Variants in IGFBPL1 observed in about 807,000 individuals in gnomAD.
The protein encoded by IGFBPL1 is insulin-like growth factor-binding protein-like 1.
In IGFBPL1, 20 loss-of-function variants were observed where a neutral mutation model predicts 23.9. The observed-to-expected ratio is 0.84, with a 90% confidence interval of 0.59 to 1.22. IGFBPL1 has a LOEUF of 1.22. Ranked by LOEUF, IGFBPL1 falls within the 50% of genes most tolerant of loss-of-function variation. The pLI is 0.00. For synonymous variants in IGFBPL1, 184 were observed against 171.8 expected, an observed-to-expected ratio of 1.07 and a Z score of -0.56; for missense variants, 436 against 379.3, an observed-to-expected ratio of 1.15 and a Z score of -1.24.
At chr9:38,414,059 A>ACACC (rs1433264425) in intron 2 of IGFBPL1, 35 bp downstream of exon 2, 4 of 1,228,592 alleles carry the variant, frequency 3.3e-6, no homozygotes, top group African/African-American at 1.5e-5. Context: ...ACACACACAC[A>ACACC]CACACGAGAT....
chr9:38,418,318 T>G (rs1451941453), intron 1 of IGFBPL1, among the ~76,000 whole-genome samples: 1 of 150,324 alleles, frequency 6.7e-6, no homozygotes, highest in Non-Finnish European at 1.5e-5. Context: ...CCTCAGTGTC[T>G]TCTTCTTTAA....
chr9:38,413,985 C>T (rs1212004709), intron 2 of IGFBPL1, 109 bp downstream of exon 2: 6 of 736,160 alleles, frequency 8.2e-6, no homozygotes, highest in Non-Finnish European at 1.4e-5. Context: ...TATAAACACA[C>T]TTAAAAGAAA....
chr9:38,419,668 CA>C (rs1272481316), intron 1 of IGFBPL1, among the ~76,000 whole-genome samples: 1 of 152,146 alleles, frequency 6.6e-6, no homozygotes, highest in Non-Finnish European at 1.5e-5. Context: ...CCAATGCTAA[CA>C]AATAGGGTGC....
At chr9:38,418,292 C>T (rs185778484) in intron 1 of IGFBPL1, among the ~76,000 whole-genome samples, 8 of 152,198 alleles carry the variant, frequency 5.3e-5, no homozygotes, top group Non-Finnish European at 1.0e-4. Context: ...CTTTCTCTGC[C>T]ACGTCCCAGT....
rs1821721275 is a variant in IGFBPL1 at position 38,424,019 on chromosome 9, G to A, written c.406C>T (p.Pro136Ser). 5.7e-6 allele frequency: 8 copies of A among 1,405,688 alleles called. No individual in the cohort carries two copies. In the South Asian group the frequency reaches 6.2e-5, roughly 11 times the overall value. The allele number at this position is 1,405,688 out of a possible 1,614,324, so 87.1% of individuals were successfully genotyped here. A position where few individuals can be genotyped will look rare whatever the true frequency, so the allele number is the denominator to read the frequency against. Residue 136 changes from proline (P) to serine (S), a missense_variant, in exon 1 of 5, where the codon CCC becomes TCC. Pro to Ser is a moderately conservative substitution (Grantham distance 74, BLOSUM62 -1). Coordinates refer to ENST00000377694, the MANE Select transcript of IGFBPL1 (RefSeq NM_001007563.3). Reference protein sequence around the residue: ...CALRLRARHTPRAHPGHLHKA... With the variant: ...CALRLRARHTSRAHPGHLHKA... ...TGCAGGTGACCGGGGTGCGCGCGGG[G>A]CGTGTGCCGAGCGCGCAGGCGCAGC...
At chr9:38,420,613 C>T (rs1013680362) in intron 1 of IGFBPL1, among the ~76,000 whole-genome samples, 1 of 152,068 alleles carries the variant, frequency 6.6e-6, no homozygotes, top group African/African-American at 2.4e-5. Flanking sequence ...GCGGGCAGAT[C>T]ATGAGGTAGG....
At chr9:38,413,104 C>A in intron 3 of IGFBPL1, 133 bp downstream of exon 3, 2 of 656,732 alleles carry the variant, frequency 3.0e-6, no homozygotes, top group African/African-American at 1.8e-5. Context: ...ACCTGCCCTG[C>A]CTGCCTCACA....
chr9:38,411,141 C>A (rs187176106), intron 4 of IGFBPL1, among the ~76,000 whole-genome samples: 75 of 151,998 alleles, frequency 4.9e-4, no homozygotes, highest in Non-Finnish European at 4.9e-4. Flanking sequence ...CACAACTGGT[C>A]TTTTCATCTC....
At chr9:38,413,034 A>T (rs1383832714) in intron 3 of IGFBPL1, among the ~76,000 whole-genome samples, 1 of 152,074 alleles carries the variant, frequency 6.6e-6, no homozygotes, top group African/African-American at 2.4e-5. Flanking sequence ...GGTGGACATC[A>T]CTGTGGGGCC....
intron 1 of IGFBPL1, among the ~76,000 whole-genome samples, chr9:38,421,835 G>GC (rs1821684094): frequency 6.6e-6 from 1 of 152,226 alleles, no homozygotes; most frequent in Non-Finnish European, 1.5e-5. Context: ...GGCAAACAGT[G>GC]CCCGGTTCTG....
intron 1 of IGFBPL1, among the ~76,000 whole-genome samples, chr9:38,422,692 A>C (rs1194534543): frequency 6.6e-6 from 1 of 152,194 alleles, no homozygotes; most frequent in Non-Finnish European, 1.5e-5. Flanking sequence ...GGGGAGCTTC[A>C]GCTAGGAACA....
rs886799401 is a variant in IGFBPL1, at chr9:38,408,500, C to G, written c.*727G>C. 2.0e-5 allele frequency among the ~76,000 whole-genome samples: 3 copies of G among 152,132 alleles called. No individual in the cohort carries two copies. Among genetic ancestry groups the G allele is most frequent in the Non-Finnish European group, 4.4e-5 (3 of 68,010 alleles). ...CTGGTCTCCAAAGACCCAGCCAAGG[C>G]GCTCCTGAGTCTGGTAAAGCATCCC... On this transcript the variant is annotated 3_prime_UTR_variant, in exon 5 of 5. Transcript: ENST00000377694.
At chr9:38,410,774 G>A (rs907912085) in intron 4 of IGFBPL1, among the ~76,000 whole-genome samples, 3 of 152,204 alleles carry the variant, frequency 2.0e-5, no homozygotes, top group African/African-American at 7.2e-5. Flanking sequence ...TCCCTTTCCC[G>A]AATTCCCAGT....
At chr9:38,420,968 C>T (rs1370881739) in intron 1 of IGFBPL1, among the ~76,000 whole-genome samples, 2 of 152,106 alleles carry the variant, frequency 1.3e-5, no homozygotes, top group African/African-American at 4.8e-5. Flanking sequence ...GGAAGGAGAC[C>T]TCCCCAGGAC....
In IGFBPL1 at chr9:38,424,317, G is replaced by C. The variant is rs1416102400; in HGVS notation, c.108C>G (p.Pro36=). ...CCTCTGGCCGGCACGGACCACACTT[G>C]GGGCGCCGGCCGCCCACGTCGCGGA... ...LGIRDVGGRR[P]KCGPCRPEGC... Residue 36 remains proline (P), a synonymous_variant, in exon 1 of 5, where the codon CCC becomes CCG. Transcript: ENST00000377694. 1 of 1,214,536 alleles carries C rather than the reference G, an allele frequency of 8.2e-7. No individual in the cohort carries two copies. Among genetic ancestry groups the C allele is most frequent in the Non-Finnish European group, 1.1e-6 (1 of 906,888 alleles). The allele number at this position is 1,214,536 out of a possible 1,614,324, so 75.2% of individuals were successfully genotyped here.
chr9:38,423,733 C>A (rs1394362462), intron 1 of IGFBPL1, among the ~76,000 whole-genome samples: 2 of 152,120 alleles, frequency 1.3e-5, no homozygotes, highest in East Asian at 3.8e-4. Context: ...ACTTAAGTAC[C>A]AAAAGGGGTA....
At position 38,424,214 on chromosome 9, in the gene IGFBPL1, C is replaced by A; in HGVS notation, c.211G>T (p.Gly71Ter). 1 of 1,182,678 alleles carries A rather than the reference C, an allele frequency of 8.5e-7. No individual in the cohort carries two copies. Among genetic ancestry groups the A allele is most frequent in the Non-Finnish European group, 1.0e-6 (1 of 957,716 alleles). The allele number at this position is 1,182,678 out of a possible 1,614,324, so 73.3% of individuals were successfully genotyped here. ...DECGCCARCLGAEGASCGGRA... is the reference protein window; with the variant it reads ...DECGCCARCL ...CCCCCGCAGCTCGCGCCCTCGGCTC[C>A]CAGGCAGCGGGCGCAGCAGCCGCAC... Residue 71 changes from glycine to a stop codon, truncating the protein, a stop_gained, in exon 1 of 5, where the codon GGA becomes TGA. Transcript: ENST00000377694. LOFTEE classifies it high-confidence loss of function.
chr9:38,413,375 G>A (rs1821543907), intron 2 of IGFBPL1, 22 bp from the exon 3 acceptor site: 2 of 1,506,942 alleles, frequency 1.3e-6, no homozygotes, highest in African/African-American at 1.4e-5. Context: ...AGGAATGCCA[G>A]GAGGGGGCTT....
chr9:38,424,023 G>A lies in IGFBPL1; in HGVS notation c.402C>T (p.His134=), dbSNP rs1224632576. 1.1e-5 allele frequency: 16 copies of A among 1,407,250 alleles called. No individual in the cohort carries two copies. Among genetic ancestry groups the A allele is most frequent in the Middle Eastern group, 1.8e-4 (1 of 5,460 alleles). 87.2% of individuals were successfully genotyped at this position (1,407,250 alleles called of 1,614,324 possible). A position where few individuals can be genotyped will look rare whatever the true frequency, so the allele number is the denominator to read the frequency against. ...GGTGACCGGGGTGCGCGCGGGGCGTGTGCCGAGCGCGCAGGCGCAGCGCGC... is the reference window on the plus strand; with the variant it reads ...GGTGACCGGGGTGCGCGCGGGGCGTATGCCGAGCGCGCAGGCGCAGCGCGC... ...SVCALRLRAR[H]TPRAHPGHLH... The change falls in exon 1 of 5, where the codon CAC becomes CAT. Residue 134 remains histidine (H), a synonymous_variant. Transcript: ENST00000377694.
Sources: gnomAD v4.1 joint callset for allele counts (sites outside exome capture counted in the v4.1 genomes callset) on GRCh38, gnomAD v4.1.1 for gene constraint, MANE v1.5 for transcripts, NCBI Gene and HGNC (gene_info 2026-07-23, HGNC 2026-07-21) for gene names.